SH3RF2: variants seen among roughly 807,000 people sequenced by gnomAD.
SH3RF2 encodes the protein E3 ubiquitin-protein ligase SH3RF2.
SH3RF2 carries 43 observed loss-of-function variants against 59.0 expected under a neutral mutation model. The observed-to-expected ratio is 0.73, with a 90% CI of 0.57 to 0.94. The LOEUF (loss-of-function observed/expected upper bound fraction) is 0.94. SH3RF2 is among the 40% of genes least tolerant of loss of function. The pLI is 0.00. For synonymous variants in SH3RF2, 391 were observed against 391.5 expected, an observed-to-expected ratio of 1.00 and a Z score of 0.01; for missense variants, 930 against 940.1, an observed-to-expected ratio of 0.99 and a Z score of 0.14.
intron 5 of SH3RF2, among the ~76,000 whole-genome samples, chr5:146,035,581 C>G (rs1761910412): frequency 6.6e-6 from 1 of 152,140 alleles, no homozygotes; most frequent in Admixed American, 6.5e-5. Context: ...GAATTCAGAA[C>G]CCAAGTTCCT....
chr5:146,072,818 C>T (rs541190102), intron 9 of SH3RF2, among the ~76,000 whole-genome samples: 7 of 152,140 alleles, frequency 4.6e-5, no homozygotes, highest in African/African-American at 1.2e-4. Flanking sequence ...ATACAGGCCC[C>T]GTGTTTCCCT....
intron 3 of SH3RF2, among the ~76,000 whole-genome samples, chr5:146,002,631 C>A (rs565516658): frequency 3.3e-5 from 5 of 152,118 alleles, no homozygotes; most frequent in Non-Finnish European, 7.4e-5. Context: ...TGTGAGGAAA[C>A]GGGCCGCACA....
chr5:145,953,920 G>A (rs1378021169), intron 2 of SH3RF2, among the ~76,000 whole-genome samples: 2 of 152,008 alleles, frequency 1.3e-5, no homozygotes, highest in African/African-American at 4.8e-5. Flanking sequence ...AGTATTTCAC[G>A]GTGTATATAT....
Position 145,949,522 on chromosome 5 carries a change from AG to A in SH3RF2, c.378+11220del, listed in dbSNP as rs1326012236. 1.8e-4 allele frequency among the ~76,000 whole-genome samples: 27 copies of A among 152,318 alleles called. 1 individual carries two copies. Among genetic ancestry groups the A allele is most frequent in the Admixed American group, 1.6e-3 (24 of 15,300 alleles). On this transcript the variant is annotated intron_variant, in intron 2 of 9. Coordinates refer to ENST00000359120, the MANE Select transcript of SH3RF2 (RefSeq NM_152550.4). ...ATAAACAGGAATGGCAGAGAAATGGAGGGGCAGAAGAGAAAACTTCCCTTCC... is the reference window on the plus strand; with the variant it reads ...ATAAACAGGAATGGCAGAGAAATGGAGGGCAGAAGAGAAAACTTCCCTTCC...
At chr5:146,041,236 G>A (rs1354187676) in intron 5 of SH3RF2, among the ~76,000 whole-genome samples, 2 of 152,188 alleles carry the variant, frequency 1.3e-5, no homozygotes, top group South Asian at 2.1e-4. Flanking sequence ...AGCATGTGAG[G>A]GTGAAGCAGC....
chr5:145,991,887 C>A lies in SH3RF2; in HGVS notation c.379-8171C>A, dbSNP rs188327257. ...GCCTATGTCAAAACTCCATTCATTG[C>A]CCCCATTTGAGTTAGAATAAGATAT... On this transcript the variant is annotated intron_variant, in intron 2 of 9. Transcript: ENST00000359120. Among the ~76,000 whole-genome samples the A allele has an allele frequency of 3.1e-3, 473 of 152,218 alleles. 5 individuals are homozygous for A. The highest frequency in any genetic ancestry group is 3.1e-3 in the South Asian group (15 of 4,816).
chr5:146,077,771 AGTTG>A (rs996634340), intron 9 of SH3RF2, among the ~76,000 whole-genome samples: 1 of 152,196 alleles, frequency 6.6e-6, no homozygotes, highest in Non-Finnish European at 1.5e-5. Flanking sequence ...TCTTGCATAT[AGTTG>A]TCATACCTCT....
At chr5:146,064,121 G>A (rs1264625729), downstream of SH3RF2, among the ~76,000 whole-genome samples, 1 of 152,082 alleles carries the variant, frequency 6.6e-6, no homozygotes, top group Non-Finnish European at 1.5e-5. Flanking sequence ...AAGGCTGGAG[G>A]AGAAAACAGG....
chr5:146,062,400 T>C lies in SH3RF2; in HGVS notation c.1915-26T>C, dbSNP rs1227928667. On this transcript the variant is annotated intron_variant, in intron 9 of 9. Coordinates refer to ENST00000359120, the MANE Select transcript of SH3RF2 (RefSeq NM_152550.4). ...ATAGACATCTCCCACCTCACCTGTG[T>C]CCATTTCCTCTCCTTTCTCTTGCAG... 5 of 1,608,676 alleles carry C rather than the reference T, an allele frequency of 3.1e-6. No homozygotes were observed. In the African/African-American group the frequency reaches 5.3e-5, roughly 17 times the overall value.
intron 5 of SH3RF2, among the ~76,000 whole-genome samples, chr5:146,031,112 T>C (rs547120088): frequency 1.3e-5 from 2 of 152,272 alleles, no homozygotes; most frequent in South Asian, 2.1e-4. Context: ...TTGGGCCCTG[T>C]AGGGAAGAAG....
At chr5:145,966,347 C>A (rs1183148678) in intron 2 of SH3RF2, among the ~76,000 whole-genome samples, 3 of 152,134 alleles carry the variant, frequency 2.0e-5, no homozygotes, top group Non-Finnish European at 2.9e-5. Context: ...GACTCAATTT[C>A]TTCACTGATG....
intron 2 of SH3RF2, among the ~76,000 whole-genome samples, chr5:145,995,584 C>T (rs1431531252): frequency 2.0e-5 from 3 of 152,150 alleles, no homozygotes; most frequent in Admixed American, 6.5e-5. Context: ...ACCTCTCATC[C>T]ACCAACTTCA....
intron 9 of SH3RF2, among the ~76,000 whole-genome samples, chr5:146,073,335 G>A (rs1235482091): frequency 1.3e-5 from 2 of 152,236 alleles, no homozygotes; most frequent in Non-Finnish European, 2.9e-5. Context: ...AAGCACATTA[G>A]TGTTGCCCCT....
At chr5:145,967,909 C>T (rs1258805919) in intron 2 of SH3RF2, among the ~76,000 whole-genome samples, 1 of 152,188 alleles carries the variant, frequency 6.6e-6, no homozygotes, top group Non-Finnish European at 1.5e-5. Context: ...ATCCACCCAC[C>T]TTGGCCTCCC....
chr5:146,013,908 A>C lies in SH3RF2; in HGVS notation c.906A>C (p.Thr302=). ...AGGTGCCTGGGCAGTTTTCCATCAC[A>C]ACAGCCTTGAACACTCTCAACCGGA... ...RRKVPGQFSI[T]TALNTLNRMV... Residue 302 remains threonine, a synonymous_variant, in exon 5 of 10, where the codon ACA becomes ACC. Transcript: ENST00000359120. 6.2e-7 allele frequency: 1 copy of C among 1,614,092 alleles called. No homozygotes were observed. Among genetic ancestry groups the C allele is most frequent in the Admixed American group, 1.7e-5 (1 of 60,016 alleles).
rs545928519 is a variant in SH3RF2 at position 146,010,456 on chromosome 5, C to T, written c.745-3291C>T. 5.1e-3 allele frequency among the ~76,000 whole-genome samples: 774 copies of T among 152,230 alleles called. 5 individuals carry two copies. The highest frequency in any genetic ancestry group is 0.017 in the African/African-American group (719 of 41,540). On this transcript the variant is annotated intron_variant, in intron 4 of 9. Transcript: ENST00000359120. ...CTAGATCCTTGAGGAATCGCCACAC[C>T]GTCTTCCACAATGATTGAACTAGTT... is the stretch of plus-strand genomic sequence containing the variant.
chr5:145,963,205 CT>C (rs944853429), intron 2 of SH3RF2, among the ~76,000 whole-genome samples: 1 of 151,826 alleles, frequency 6.6e-6, no homozygotes, highest in Non-Finnish European at 1.5e-5. Flanking sequence ...CCTTATTCCA[CT>C]TTTTTTTAAT....
At chr5:146,035,711 A>G (rs1267368032) in intron 5 of SH3RF2, among the ~76,000 whole-genome samples, 2 of 152,186 alleles carry the variant, frequency 1.3e-5, no homozygotes, top group Non-Finnish European at 1.5e-5. Flanking sequence ...TCCACCATAA[A>G]AAGCTACTTT....
intron 2 of SH3RF2, among the ~76,000 whole-genome samples, chr5:145,974,815 A>C (rs1047935497): frequency 6.6e-5 from 10 of 152,236 alleles, no homozygotes; most frequent in Admixed American, 6.5e-4. Context: ...AGATGGAGAA[A>C]TGAGAGATAA....
Sources: gnomAD v4.1 joint callset for allele counts (sites outside exome capture counted in the v4.1 genomes callset) on GRCh38, gnomAD v4.1.1 for gene constraint, MANE v1.5 for transcripts, NCBI Gene and HGNC (gene_info 2026-07-23, HGNC 2026-07-21) for gene names.